MPIG6B: variants seen among roughly 807,000 people sequenced by gnomAD.
MPIG6B encodes immunoglobulin receptor.
In MPIG6B, 22 loss-of-function variants were observed where a neutral mutation model predicts 24.2. That is an observed-to-expected ratio of 0.91 (90% CI 0.65 to 1.30). The LOEUF (loss-of-function observed/expected upper bound fraction) is 1.30, where lower values mean the gene tolerates loss of function less well. MPIG6B is among the 50% of genes most tolerant of loss of function. MPIG6B has a pLI of 0.00. For synonymous variants in MPIG6B, 136 were observed against 142.0 expected, an observed-to-expected ratio of 0.96 and a Z score of 0.30; for missense variants, 301 against 318.5, an observed-to-expected ratio of 0.94 and a Z score of 0.42.
chr6:31,722,455 C>T (rs1165276003), upstream of MPIG6B, among the ~76,000 whole-genome samples: 1 of 152,170 alleles, frequency 6.6e-6, no homozygotes, highest in Non-Finnish European at 1.5e-5. Context: ...TGGCTGTGTG[C>T]ACCTGCTCCA....
At chr6:31,723,001 C>G (rs998324828), upstream of MPIG6B, 6 of 318,224 alleles carry the variant, frequency 1.9e-5, no homozygotes, top group African/African-American at 1.3e-4. The surrounding 1 kb of genome is among the most constrained non-coding windows in gnomAD (Gnocchi z 4.3). Context: ...GTTTTTGAGA[C>G]AGGGTCTGGC....
At position 31,723,413 on chromosome 6, in the gene MPIG6B, G is replaced by A. The variant is rs757159056; in HGVS notation, c.30G>A (p.Leu10=). The A allele has an allele frequency of 4.3e-6, 7 of 1,612,844 alleles. No individual in the cohort carries two copies. The highest frequency in any genetic ancestry group is 5.9e-6 in the Non-Finnish European group (7 of 1,179,970). The stretch of plus-strand genomic sequence containing the variant: ...CTGTGTTTCTGCAGCTGCTACCGCT[G>A]CTGCTCTCGAGGGCCCAAGGGAACC... MAVFLQLLP[L]LLSRAQGNPG... is the part of the protein sequence containing the mutation. The change falls in exon 1 of 6, where the codon CTG becomes CTA. Residue 10 remains leucine, a synonymous_variant. Coordinates refer to ENST00000649779, the MANE Select transcript of MPIG6B (RefSeq NM_138272.3). This position sits in a 1 kb window ranked among gnomAD's most constrained non-coding sequence, Gnocchi z 4.3.
intron 2 of MPIG6B, 43 bp from the exon 3 acceptor site, chr6:31,724,099 A>C (rs776860500): frequency 2.0e-5 from 31 of 1,585,092 alleles, no homozygotes; most frequent in Admixed American, 1.9e-4. Flanking sequence ...CCCTCGTCAA[A>C]CCCCTGACCT....
In MPIG6B at chr6:31,725,539, G is replaced by A. The variant is rs1388901408; in HGVS notation, c.*465G>A. The A allele has an allele frequency of 1.3e-5, 2 of 159,304 alleles. No individual in the cohort carries two copies. The highest frequency in any genetic ancestry group is 3.8e-4 in the East Asian group (2 of 5,308). 9.9% of individuals were successfully genotyped at this position (159,304 alleles called of 1,614,324 possible). A position where few individuals can be genotyped will look rare whatever the true frequency, so the allele number is the denominator to read the frequency against. On this transcript the variant is annotated 3_prime_UTR_variant, in exon 6 of 6. Coordinates refer to ENST00000649779, the MANE Select transcript of MPIG6B (RefSeq NM_138272.3). The surrounding 1 kb of genome is among the most constrained non-coding windows in gnomAD (Gnocchi z 5.2). ...AGACGGGGTTTCACTGTGTTAGCCAGGATGGTCTTGATCTGCTAACCTCGT... is the reference window on the plus strand; with the variant it reads ...AGACGGGGTTTCACTGTGTTAGCCAAGATGGTCTTGATCTGCTAACCTCGT...
chr6:31,721,556 G>C, upstream of MPIG6B: 3 of 1,440,900 alleles, frequency 2.1e-6, no homozygotes, highest in Non-Finnish European at 9.7e-7. Context: ...GGGTAGGGCC[G>C]GGAAGTGGGT....
upstream of MPIG6B, chr6:31,720,333 G>C (rs1440892739): frequency 2.0e-5 from 13 of 649,084 alleles, no homozygotes; most frequent in Non-Finnish European, 3.6e-5. This position sits in a 1 kb window ranked among gnomAD's most constrained non-coding sequence, Gnocchi z 4.9. Context: ...TGGCTGTTTG[G>C]TCTAGCAAGC....
chr6:31,723,290 T>G, upstream of MPIG6B: 6 of 344,820 alleles, frequency 1.7e-5, no homozygotes, highest in Non-Finnish European at 2.9e-5. This position sits in a 1 kb window ranked among gnomAD's most constrained non-coding sequence, Gnocchi z 4.3. Flanking sequence ...CCCCAGCCCC[T>G]CCGTTCTCCC....
intron 4 of MPIG6B, 40 bp downstream of exon 4, chr6:31,724,667 C>T (rs1300121565): frequency 6.2e-7 from 1 of 1,605,064 alleles, no homozygotes; most frequent in Non-Finnish European, 8.5e-7. Flanking sequence ...TCCTACATGC[C>T]CACTCCCCAC....
At chr6:31,724,917 A>T in intron 5 of MPIG6B, 53 bp from the exon 6 acceptor site, 1 of 1,603,028 alleles carries the variant, frequency 6.2e-7, no homozygotes, top group Non-Finnish European at 8.5e-7. Flanking sequence ...AAAGGCCTGA[A>T]CCCCAAGGAA....
chr6:31,723,918 A>G lies in MPIG6B; in HGVS notation c.341A>G (p.Asp114Gly). ...TTTTTCTGCAAGGGCCGCCACGAGG[A>G]CGAGAGCCGTACAGTGCTTCACGTG... ...GTFFCKGRHEDESRTVLHVLG... is the reference protein window; with the variant it reads ...GTFFCKGRHEGESRTVLHVLG... Residue 114 changes from aspartate to glycine, a missense_variant, in exon 2 of 6, where the codon GAC becomes GGC. Transcript: ENST00000649779. The surrounding 1 kb of genome is among the most constrained non-coding windows in gnomAD (Gnocchi z 4.3). 6.3e-7 allele frequency: 1 copy of G among 1,594,476 alleles called. No individual in the cohort carries two copies. Among genetic ancestry groups the G allele is most frequent in the Non-Finnish European group, 8.5e-7 (1 of 1,170,142 alleles).
At chr6:31,721,803 C>G, upstream of MPIG6B, 2 of 921,710 alleles carry the variant, frequency 2.2e-6, no homozygotes, top group Non-Finnish European at 3.4e-6. Context: ...CCTTCCCTGC[C>G]TCTGGTAGCC....
In MPIG6B at chr6:31,725,298, T is replaced by G; in HGVS notation, c.*224T>G. 1 of 565,790 alleles carries G rather than the reference T, an allele frequency of 1.8e-6. No homozygotes were observed. The highest frequency in any genetic ancestry group is 3.1e-6 in the Non-Finnish European group (1 of 319,074). The allele number at this position is 565,790 out of a possible 1,614,324, so 35.0% of individuals were successfully genotyped here. A position where few individuals can be genotyped will look rare whatever the true frequency, so the allele number is the denominator to read the frequency against. On this transcript the variant is annotated 3_prime_UTR_variant, in exon 6 of 6. Transcript: ENST00000649779. The surrounding 1 kb of genome is among the most constrained non-coding windows in gnomAD (Gnocchi z 5.2). The stretch of plus-strand genomic sequence containing the variant: ...ACCTCCATGTCTCCCTCACCACCAG[T>G]GTCCTCTCTATACCCAATCAAGCCC...
chr6:31,721,901 G>GGA, upstream of MPIG6B: 1 of 524,958 alleles, frequency 1.9e-6, no homozygotes, highest in Non-Finnish European at 3.4e-6. Flanking sequence ...AGTAGGGATG[G>GGA]GAGAGAGGGA....
upstream of MPIG6B, among the ~76,000 whole-genome samples, chr6:31,721,426 A>T (rs1253174026): frequency 6.6e-6 from 1 of 151,524 alleles, no homozygotes; most frequent in Non-Finnish European, 1.5e-5. Flanking sequence ...GGTGGGGAGG[A>T]TGGATGGAGA....
Position 31,724,982 on chromosome 6 carries a change from G to A in MPIG6B, c.634G>A (p.Ala212Thr), listed in dbSNP as rs368183109. 1.9e-5 allele frequency: 30 copies of A among 1,613,432 alleles called. No homozygotes were observed. In the African/African-American group the frequency reaches 3.5e-4, roughly 19 times the overall value. ...CTTCCTCCTCCAGAGCCTGCTCTAT[G>A]CGGATCTGGACCATCTAGCCCTCAG... ...DLDQEPSLLY[A>T]DLDHLALSRP... The change falls in exon 6 of 6, where the codon GCG becomes ACG. Residue 212 changes from alanine to threonine, a missense_variant. Coordinates refer to ENST00000649779, the MANE Select transcript of MPIG6B (RefSeq NM_138272.3).
chr6:31,724,382 G>A (rs939821822), intron 3 of MPIG6B, 150 bp downstream of exon 3: 4 of 778,728 alleles, frequency 5.1e-6, no homozygotes, highest in Non-Finnish European at 8.6e-6. Context: ...GAGCGAGGCC[G>A]CTGACTGGTG....
Position 31,725,049 on chromosome 6 carries a change from CCA to C in MPIG6B, c.703_704del (p.Thr235HisfsTer25). The C allele has an allele frequency of 6.2e-7, 1 of 1,613,358 alleles. No homozygotes were observed. The highest frequency in any genetic ancestry group is 8.5e-7 in the Non-Finnish European group (1 of 1,179,822). On this transcript the variant is annotated frameshift_variant, in exon 6 of 6. Transcript: ENST00000649779. LOFTEE classifies it high-confidence loss of function. The surrounding 1 kb of genome is among the most constrained non-coding windows in gnomAD (Gnocchi z 5.2). ...TCCACAGCGGACCCTGCTGATGCCT[CCA>C]CCATCTATGCAGTTGTAGTTTGAAG...
At position 31,725,125 on chromosome 6, in the gene MPIG6B, T is replaced by A. The variant is rs1319431944; in HGVS notation, c.*51T>A. On this transcript the variant is annotated 3_prime_UTR_variant, in exon 6 of 6. Coordinates refer to ENST00000649779, the MANE Select transcript of MPIG6B (RefSeq NM_138272.3). The surrounding 1 kb of genome is among the most constrained non-coding windows in gnomAD (Gnocchi z 5.2). The stretch of plus-strand genomic sequence containing the variant: ...CAAGCTAGGGGATCCCAGCTCCCCA[T>A]AATCCCTCTCCCCTCCTTGGTTCCT... 2.3e-6 allele frequency: 3 copies of A among 1,331,636 alleles called. No homozygotes were observed. Among genetic ancestry groups the A allele is most frequent in the Non-Finnish European group, 3.2e-6 (3 of 926,428 alleles). The allele number at this position is 1,331,636 out of a possible 1,614,324, so 82.5% of individuals were successfully genotyped here.
At position 31,724,585 on chromosome 6, in the gene MPIG6B, A is replaced by G. The variant is rs1479246934; in HGVS notation, c.501-2A>G. The G allele has an allele frequency of 6.2e-7, 1 of 1,613,270 alleles. No homozygotes were observed. The highest frequency in any genetic ancestry group is 1.7e-4 in the Middle Eastern group (1 of 6,060). ...TCTCAAAGACTCATATGTCCCTTAC[A>G]GGCGCCTGCCCCCGCAACCGATTCG... On this transcript the variant is annotated splice_acceptor_variant, in intron 3 of 5. Coordinates refer to ENST00000649779, the MANE Select transcript of MPIG6B (RefSeq NM_138272.3). LOFTEE classifies it high-confidence loss of function.
Sources: allele counts gnomAD v4.1 joint callset (sites outside exome capture counted in the v4.1 genomes callset), GRCh38; gene constraint gnomAD v4.1.1; non-coding constraint Gnocchi (gnomAD v3.1); transcripts MANE v1.5; gene names NCBI Gene and HGNC (gene_info 2026-07-23, HGNC 2026-07-21).